TRABD2B: variants seen among roughly 807,000 people sequenced by gnomAD.
TRABD2B encodes TraB domain containing 2B, also known as metalloprotease TIKI2.
In TRABD2B, 14 loss-of-function variants were observed where a neutral mutation model predicts 40.1. The observed-to-expected ratio is 0.35, with a 90% CI of 0.23 to 0.55. The LOEUF is 0.55. Ranked by LOEUF, TRABD2B falls within the 20% of genes least tolerant of loss-of-function variation. The pLI is 0.90. For missense variants in TRABD2B, 541 were observed against 648.6 expected (o/e 0.83, Z 1.80); for synonymous variants, 263 against 277.0 (o/e 0.95, Z 0.50).
chr1:47,881,203 G>A (rs775454929), intron 2 of TRABD2B, among the ~76,000 whole-genome samples: 2 of 152,158 alleles, frequency 1.3e-5, no homozygotes, highest in Admixed American at 6.5e-5. Flanking sequence ...GGGCCCGGGA[G>A]TGTGTGTGTA....
At chr1:47,923,961 CACACACACAT>C (rs1366317480) in intron 2 of TRABD2B, among the ~76,000 whole-genome samples, 9 of 102,746 alleles carry the variant, frequency 8.8e-5, no homozygotes, top group South Asian at 3.4e-4. Flanking sequence ...CACACACACA[CACACACACAT>C]CCTATTAGTT....
rs1426543822 is a variant in TRABD2B at position 47,997,362 on chromosome 1, C to T, written c.-573G>A. 6.9e-5 allele frequency: 18 copies of T among 260,584 alleles called. No homozygotes were observed. The highest frequency in any genetic ancestry group is 9.2e-5 in the Non-Finnish European group (16 of 173,938). 16.1% of individuals were successfully genotyped at this position (260,584 alleles called of 1,614,324 possible). On this transcript the variant is annotated 5_prime_UTR_variant, in exon 1 of 7. Transcript: ENST00000606738. ...CTGCCCGGGCTCCGCCATGCTGCTC[C>T]GCGGCCGGGAGGGAGGGAGAGAGGA...
chr1:47,985,729 T>A (rs1035578881), intron 2 of TRABD2B, among the ~76,000 whole-genome samples: 1 of 152,246 alleles, frequency 6.6e-6, no homozygotes, highest in African/African-American at 2.4e-5. Flanking sequence ...CCAATTACAT[T>A]GTTGCACCTA....
At chr1:47,822,419 A>G (rs1245996167) in intron 2 of TRABD2B, among the ~76,000 whole-genome samples, 1 of 152,244 alleles carries the variant, frequency 6.6e-6, no homozygotes, top group African/African-American at 2.4e-5. Context: ...TTTTCAGTAC[A>G]GTGCCTGCTG....
rs570570165 is a variant in TRABD2B at position 47,765,566 on chromosome 1, G to C, written c.*336C>G. The C allele has an allele frequency of 2.9e-6, 1 of 342,182 alleles. No individual in the cohort carries two copies. The highest frequency in any genetic ancestry group is 2.7e-5 in the South Asian group (1 of 37,562). 21.2% of individuals were successfully genotyped at this position (342,182 alleles called of 1,614,324 possible). ...GAGCCACAGTCCACAGGAGGTCACT[G>C]ATGTCCCGGGTTCCCCTCCCGGGCC... On this transcript the variant is annotated 3_prime_UTR_variant, in exon 7 of 7. Coordinates refer to ENST00000606738, the MANE Select transcript of TRABD2B (RefSeq NM_001194986.2).
intron 2 of TRABD2B, among the ~76,000 whole-genome samples, chr1:47,934,508 C>T (rs891670511): frequency 6.6e-6 from 1 of 152,250 alleles, no homozygotes; most frequent in East Asian, 1.9e-4. Context: ...CAGGCGGGCC[C>T]AGAGCCTGCT....
intron 2 of TRABD2B, among the ~76,000 whole-genome samples, chr1:47,842,419 T>C (rs900778168): frequency 1.3e-5 from 2 of 152,168 alleles, no homozygotes; most frequent in African/African-American, 4.8e-5. Flanking sequence ...TTTCTTATTC[T>C]GCCTGGTCCC....
At chr1:47,783,861 G>A (rs549881797) in intron 4 of TRABD2B, among the ~76,000 whole-genome samples, 2 of 152,194 alleles carry the variant, frequency 1.3e-5, no homozygotes, top group Non-Finnish European at 2.9e-5. Context: ...AGCGAGTGCT[G>A]TCCTAGGGTT....
chr1:47,856,601 C>T (rs1035742765), intron 2 of TRABD2B, among the ~76,000 whole-genome samples: 1 of 152,148 alleles, frequency 6.6e-6, no homozygotes, highest in Non-Finnish European at 1.5e-5. Context: ...CAGAGTTTTT[C>T]CAGTCATGAT....
At chr1:47,824,675 G>A (rs1011612304) in intron 2 of TRABD2B, among the ~76,000 whole-genome samples, 1 of 152,216 alleles carries the variant, frequency 6.6e-6, no homozygotes, top group Non-Finnish European at 1.5e-5. Flanking sequence ...CCACAACCAA[G>A]AGGCTGAGAG....
chr1:47,834,047 C>T (rs1389270643), intron 2 of TRABD2B, among the ~76,000 whole-genome samples: 2 of 152,204 alleles, frequency 1.3e-5, no homozygotes, highest in African/African-American at 2.4e-5. Flanking sequence ...AACCAGCAGC[C>T]TGGCAGTCAC....
At chr1:47,782,855 G>A (rs528760770) in intron 4 of TRABD2B, among the ~76,000 whole-genome samples, 13 of 152,358 alleles carry the variant, frequency 8.5e-5, no homozygotes, top group Admixed American at 1.3e-4. Context: ...GGGGCCCCAC[G>A]ATGTTGGGGC....
chr1:47,776,491 C>CT (rs1644449039), intron 5 of TRABD2B, among the ~76,000 whole-genome samples: 1 of 152,224 alleles, frequency 6.6e-6, no homozygotes, highest in African/African-American at 2.4e-5. Context: ...ATAGACCTGG[C>CT]TGTCAGGCAG....
chr1:47,809,882 G>A (rs147987566), intron 2 of TRABD2B, among the ~76,000 whole-genome samples: 89 of 152,256 alleles, frequency 5.8e-4, no homozygotes, highest in African/African-American at 2.1e-3. Context: ...TTCCTTCCCT[G>A]GGTCTTGGTT....
intron 2 of TRABD2B, among the ~76,000 whole-genome samples, chr1:47,923,008 C>CT (rs1250313759): frequency 6.6e-6 from 1 of 152,224 alleles, no homozygotes; most frequent in East Asian, 1.9e-4. Context: ...TCCTTGTGCA[C>CT]TGCAAGGCAT....
rs531221405 is a variant in TRABD2B at position 47,914,696 on chromosome 1, C to A, written c.666+79338G>T. On this transcript the variant is annotated intron_variant, in intron 2 of 6. Coordinates refer to ENST00000606738, the MANE Select transcript of TRABD2B (RefSeq NM_001194986.2). ...CGGGGTGTCTGGACCCGGCCCCCTC[C>A]ATAGAAAGAGCTGGTCCATTGGCAC... Among the ~76,000 whole-genome samples the A allele has an allele frequency of 1.3e-3, 194 of 152,326 alleles. 1 individual carries two copies. The highest frequency in any genetic ancestry group is 4.4e-3 in the African/African-American group (183 of 41,576).
intron 2 of TRABD2B, among the ~76,000 whole-genome samples, chr1:47,951,692 G>A (rs1308336497): frequency 6.6e-6 from 1 of 152,176 alleles, no homozygotes; most frequent in Non-Finnish European, 1.5e-5. Context: ...GAAGCAGGCT[G>A]AGCAGTCCCT....
At chr1:47,803,169 G>C (rs921002959) in intron 2 of TRABD2B, among the ~76,000 whole-genome samples, 1 of 152,204 alleles carries the variant, frequency 6.6e-6, no homozygotes, top group African/African-American at 2.4e-5. Context: ...CTGGGGACTG[G>C]GTTAGGCCCC....
chr1:47,965,236 T>TG (rs1645585082), intron 2 of TRABD2B, among the ~76,000 whole-genome samples: 1 of 3,266 alleles, frequency 3.1e-4, no homozygotes, highest in Non-Finnish European at 5.8e-4. Context: ...GGGGGGTGGA[T>TG]GGGGAGGTGG....
Sources: gnomAD v4.1 joint callset for allele counts (sites outside exome capture counted in the v4.1 genomes callset) on GRCh38, gnomAD v4.1.1 for gene constraint, MANE v1.5 for transcripts, NCBI Gene and HGNC (gene_info 2026-07-23, HGNC 2026-07-21) for gene names.